The following APBB2 variants were observed in gnomAD, a reference collection of about 807,000 sequenced individuals.
The protein encoded by APBB2 is amyloid beta precursor protein binding family B member 2.
In APBB2, 38 loss-of-function variants were observed where a neutral mutation model predicts 82.5. That is an observed-to-expected ratio of 0.46 (90% confidence interval 0.36 to 0.60). The LOEUF (loss-of-function observed/expected upper bound fraction) is 0.60, where lower values mean the gene tolerates loss of function less well. Among genes scored for constraint, APBB2 ranks in the 20% least tolerant of loss-of-function variants. The probability of loss-of-function intolerance (pLI) is 0.00; values close to 1 mark genes in which losing one functional copy is unlikely to be tolerated. For missense variants in APBB2, 772 were observed against 972.3 expected, an observed-to-expected ratio of 0.79 and a Z score of 2.74; for synonymous variants, 341 against 368.2, an observed-to-expected ratio of 0.93 and a Z score of 0.85.
chr4:41,178,198 CA>C (rs1333549604), intron 1 of APBB2, among the ~76,000 whole-genome samples: 2 of 152,074 alleles, frequency 1.3e-5, no homozygotes, highest in African/African-American at 4.8e-5. Flanking sequence ...AAGACAATTC[CA>C]AGTAAAGAAA....
At chr4:41,190,650 T>C (rs1185332610) in intron 1 of APBB2, among the ~76,000 whole-genome samples, 1 of 152,164 alleles carries the variant, frequency 6.6e-6, no homozygotes, top group African/African-American at 2.4e-5. Flanking sequence ...TCCACCTTTG[T>C]ATTATTAGGT....
chr4:40,923,686 G>C (rs1781900396), intron 10 of APBB2, among the ~76,000 whole-genome samples: 1 of 152,224 alleles, frequency 6.6e-6, no homozygotes, highest in Non-Finnish European at 1.5e-5. Context: ...GGGGAAGAGG[G>C]AAGTCTGCCT....
intron 4 of APBB2, among the ~76,000 whole-genome samples, chr4:41,052,825 G>A (rs1487666339): frequency 6.7e-6 from 1 of 150,258 alleles, no homozygotes; most frequent in African/African-American, 2.5e-5. Context: ...GGAGTGCAGT[G>A]GCGTGATCTC....
chr4:41,157,499 G>A (rs1763776518), intron 1 of APBB2, among the ~76,000 whole-genome samples: 1 of 152,202 alleles, frequency 6.6e-6, no homozygotes, highest in South Asian at 2.1e-4. Context: ...CGATAGGTGG[G>A]AGAGTGGAAT....
intron 10 of APBB2, among the ~76,000 whole-genome samples, chr4:40,921,082 G>A (rs1272971565): frequency 1.3e-5 from 2 of 152,174 alleles, no homozygotes; most frequent in Non-Finnish European, 2.9e-5. Flanking sequence ...CAAGGCTTGT[G>A]GGAGAACAGA....
intron 1 of APBB2, among the ~76,000 whole-genome samples, chr4:41,176,420 C>A (rs1156490796): frequency 6.6e-6 from 1 of 152,034 alleles, no homozygotes; most frequent in African/African-American, 2.4e-5. Flanking sequence ...CCTCAGAGGA[C>A]AAGCTGGGTT....
chr4:41,097,492 C>T (rs1325430924), intron 3 of APBB2, among the ~76,000 whole-genome samples: 2 of 152,186 alleles, frequency 1.3e-5, no homozygotes, highest in Non-Finnish European at 2.9e-5. Flanking sequence ...AGTTGTTTCC[C>T]TTTCACTAAA....
chr4:40,893,802 C>T (rs907294193), intron 10 of APBB2, among the ~76,000 whole-genome samples: 1 of 151,732 alleles, frequency 6.6e-6, no homozygotes, highest in East Asian at 1.9e-4. Flanking sequence ...GGCGAAACCC[C>T]GTCTCTACTA....
intron 9 of APBB2, 49 bp from the exon 10 acceptor site, chr4:40,934,565 C>T (rs1407906046): frequency 1.2e-6 from 2 of 1,611,366 alleles, no homozygotes; most frequent in Non-Finnish European, 1.7e-6. Context: ...TGCAAACTAT[C>T]TGCACAAAGC....
At chr4:40,911,662 G>A (rs1778592299) in intron 10 of APBB2, among the ~76,000 whole-genome samples, 1 of 152,128 alleles carries the variant, frequency 6.6e-6, no homozygotes, top group African/African-American at 2.4e-5. Context: ...GGAACCTGCA[G>A]ACTGGAGCCC....
intron 11 of APBB2, among the ~76,000 whole-genome samples, chr4:40,892,015 G>A (rs960288483): frequency 1.0e-4 from 15 of 149,854 alleles, no homozygotes; most frequent in South Asian, 2.1e-4. Context: ...GCAATGGCAC[G>A]ATAGCTCACT....
intron 6 of APBB2, among the ~76,000 whole-genome samples, chr4:41,002,652 T>C (rs886825807): frequency 2.6e-5 from 4 of 152,242 alleles, no homozygotes; most frequent in African/African-American, 9.6e-5. Flanking sequence ...GAGCTCAGCA[T>C]TGTGAGATTT....
At chr4:40,862,207 A>G (rs573310936) in intron 12 of APBB2, among the ~76,000 whole-genome samples, 1 of 152,376 alleles carries the variant, frequency 6.6e-6, no homozygotes, top group African/African-American at 2.4e-5. Flanking sequence ...TAAACAAGAA[A>G]GTCACAGGAC....
At chr4:41,193,440 AC>A (rs1775010970) in intron 1 of APBB2, 1 of 280,024 alleles carries the variant, frequency 3.6e-6, no homozygotes, top group Admixed American at 6.5e-5. Context: ...GTCCAAGGTC[AC>A]AGCTGGTGAC....
rs570150276 is a variant in APBB2 at position 40,834,729 on chromosome 4, G to T, written c.1530-4152C>A. ...CTAAGGGAAAGAACAGGAGGCAGGG[G>T]CCAAGGAATGCAGGCAGCCTCAAGA... On this transcript the variant is annotated intron_variant, in intron 12 of 17. Transcript: ENST00000508593. Among the ~76,000 whole-genome samples, 6 of 152,294 alleles carry T rather than the reference G, an allele frequency of 3.9e-5. No homozygotes were observed. In the East Asian group the frequency reaches 9.7e-4, roughly 25 times the overall value.
chr4:41,040,301 T>TAA (rs1339119596), intron 4 of APBB2, among the ~76,000 whole-genome samples: 1 of 152,146 alleles, frequency 6.6e-6, no homozygotes, highest in Non-Finnish European at 1.5e-5. Flanking sequence ...TACTTTAAGG[T>TAA]TTTAAACATT....
chr4:40,943,079 T>C lies in APBB2; in HGVS notation c.1044+1786A>G, dbSNP rs192240515. Among the ~76,000 whole-genome samples the C allele has an allele frequency of 5.9e-3, 904 of 152,212 alleles. 13 individuals carry two copies. Among genetic ancestry groups the C allele is most frequent in the Non-Finnish European group, 6.9e-3 (467 of 68,002 alleles). On this transcript the variant is annotated intron_variant, in intron 7 of 17. Transcript: ENST00000508593. The stretch of plus-strand genomic sequence containing the variant: ...CTCAAAGTCAGTCCAATCTCCCCAA[T>C]CTGGGACAGTGAGGAAGCAGAGCAG...
chr4:41,038,972 AT>A (rs35218523), intron 4 of APBB2, among the ~76,000 whole-genome samples: 31,753 of 152,244 alleles, frequency 0.21, 3,512 homozygotes, highest in Middle Eastern at 0.29. Context: ...CAACTCAGAC[AT>A]GATTTGCACT....
rs77507538 is a variant in APBB2 at position 41,088,321 on chromosome 4, G to A, written c.-149+12318C>T. Among the ~76,000 whole-genome samples, 388 of 152,266 alleles carry A rather than the reference G, an allele frequency of 2.5e-3. 1 individual carries two copies. Among genetic ancestry groups the A allele is most frequent in the Non-Finnish European group, 4.5e-3 (303 of 68,020 alleles). ...ACAAAGTGGTTTCTCAAAGACTCTT[G>A]ACCACATCAATATACACCCACTATG... is the stretch of plus-strand genomic sequence containing the variant. On this transcript the variant is annotated intron_variant, in intron 3 of 17. Transcript: ENST00000508593.
Sources: gnomAD v4.1 joint callset for allele counts (sites outside exome capture counted in the v4.1 genomes callset) on GRCh38, gnomAD v4.1.1 for gene constraint, MANE v1.5 for transcripts, NCBI Gene and HGNC (gene_info 2026-07-23, HGNC 2026-07-21) for gene names.